TBXAS1: variants seen among roughly 807,000 people sequenced by gnomAD.
TBXAS1 encodes thromboxane-A synthase.
In TBXAS1, 48 loss-of-function variants were observed where a neutral mutation model predicts 60.7. The observed-to-expected ratio is 0.79, with a 90% CI of 0.63 to 1.01. The LOEUF (loss-of-function observed/expected upper bound fraction) is 1.01. Ranked by LOEUF, TBXAS1 falls within the 50% of genes least tolerant of loss-of-function variation. TBXAS1 has a pLI of 0.00. For synonymous variants in TBXAS1, 287 were observed against 269.7 expected (o/e 1.06, Z -0.63); for missense variants, 685 against 686.3 (o/e 1.00, Z 0.02).
rs552651654 is a variant in TBXAS1 at position 139,841,916 on chromosome 7, G to A, written c.89+12437G>A. Among the ~76,000 whole-genome samples the A allele has an allele frequency of 5.9e-5, 9 of 152,234 alleles. No individual in the cohort carries two copies. In the East Asian group the frequency reaches 1.2e-3, roughly 20 times the overall value. On this transcript the variant is annotated intron_variant, in intron 1 of 12. Coordinates refer to ENST00000448866, the MANE Select transcript of TBXAS1 (RefSeq NM_001061.7). ...GGTGCTTAGATGTGGTCCTTTGAAA[G>A]CCCTCAACGCAACACATCTTTGTGG...
chr7:139,997,040 T>A (rs1004935578), intron 9 of TBXAS1, among the ~76,000 whole-genome samples: 1 of 152,220 alleles, frequency 6.6e-6, no homozygotes, highest in Non-Finnish European at 1.5e-5. Context: ...CAGTATGTTA[T>A]CTTGACTCAT....
intron 9 of TBXAS1, among the ~76,000 whole-genome samples, chr7:139,984,079 C>T (rs953443031): frequency 3.3e-5 from 5 of 152,172 alleles, no homozygotes; most frequent in East Asian, 1.9e-4. Flanking sequence ...AGGGTATGGA[C>T]GTTGGGCCCA....
At chr7:139,859,998 G>A (rs776319579) in intron 1 of TBXAS1, among the ~76,000 whole-genome samples, 1 of 152,088 alleles carries the variant, frequency 6.6e-6, no homozygotes, top group Non-Finnish European at 1.5e-5. Context: ...AATTAGCTGA[G>A]CACAATAGTG....
chr7:139,971,132 G>T (rs1054199632), intron 9 of TBXAS1, among the ~76,000 whole-genome samples: 5 of 152,150 alleles, frequency 3.3e-5, no homozygotes, highest in Non-Finnish European at 1.5e-5. Flanking sequence ...CCCACCTCCT[G>T]TCCTTCTTTC....
rs578126530 is a variant in TBXAS1, at chr7:140,012,728, G to A, written c.1227-2995G>A. Among the ~76,000 whole-genome samples the A allele has an allele frequency of 4.1e-3, 627 of 152,232 alleles. 3 individuals are homozygous for A. The highest frequency in any genetic ancestry group is 0.013 in the African/African-American group (547 of 41,518). On this transcript the variant is annotated intron_variant, in intron 10 of 12. Transcript: ENST00000448866. ...CACACCTCTGCCTCCCAAAGTGCTGGGATTACAGGCATGAGCCACCACACA... is the reference window on the plus strand; with the variant it reads ...CACACCTCTGCCTCCCAAAGTGCTGAGATTACAGGCATGAGCCACCACACA...
At chr7:140,006,690 C>T (rs555335801) in intron 9 of TBXAS1, among the ~76,000 whole-genome samples, 1 of 152,294 alleles carries the variant, frequency 6.6e-6, no homozygotes, top group South Asian at 2.1e-4. Context: ...ATGTGACAGG[C>T]TCTTTGAGCC....
intron 9 of TBXAS1, among the ~76,000 whole-genome samples, chr7:139,965,624 G>A (rs1258009919): frequency 6.6e-6 from 1 of 151,970 alleles, no homozygotes; most frequent in Admixed American, 6.6e-5. Context: ...TCAAGGGCTC[G>A]GATCCCTCTT....
upstream of TBXAS1, chr7:139,829,037 T>C (rs1255574265): frequency 5.2e-6 from 2 of 386,822 alleles, no homozygotes; most frequent in Non-Finnish European, 9.9e-6. Context: ...TTTGAAGACT[T>C]CCTCTCAGAG....
At chr7:139,978,880 A>G (rs1811760871) in intron 9 of TBXAS1, among the ~76,000 whole-genome samples, 1 of 152,064 alleles carries the variant, frequency 6.6e-6, no homozygotes, top group Non-Finnish European at 1.5e-5. Flanking sequence ...GCCTGAGGCC[A>G]GGAGTTGGAG....
chr7:139,811,209 T>C (rs900666279), intron 4 of TBXAS1, among the ~76,000 whole-genome samples: 2 of 152,226 alleles, frequency 1.3e-5, no homozygotes, highest in Admixed American at 6.5e-5. Flanking sequence ...CTATGATGGG[T>C]ACAAATCTAT....
At chr7:140,006,972 G>C in intron 9 of TBXAS1, 119 bp from the exon 10 acceptor site, 1 of 975,194 alleles carries the variant, frequency 1.0e-6, no homozygotes, top group East Asian at 2.4e-5. Context: ...CCATTTTGTG[G>C]GGTTTCTGTT....
At chr7:139,986,734 TATATACATAC>T (rs1434378948) in intron 9 of TBXAS1, among the ~76,000 whole-genome samples, 707 of 41,082 alleles carry the variant, frequency 0.017, 20 homozygotes, top group South Asian at 0.029. Context: ...TATATATATA[TATATACATAC>T]ATATATATAT....
intron 3 of TBXAS1, among the ~76,000 whole-genome samples, chr7:139,887,905 T>C (rs1176595393): frequency 1.3e-5 from 2 of 152,234 alleles, no homozygotes; most frequent in Non-Finnish European, 2.9e-5. Context: ...ATAGCAATGC[T>C]TTGTTGTCCC....
chr7:139,946,360 A>G (rs1401312236), intron 5 of TBXAS1, among the ~76,000 whole-genome samples: 1 of 152,194 alleles, frequency 6.6e-6, no homozygotes, highest in East Asian at 1.9e-4. Flanking sequence ...AAAAGAGGCC[A>G]GGAAGCTCTT....
At chr7:139,815,966 C>G (rs898297673) in intron 4 of TBXAS1, among the ~76,000 whole-genome samples, 1 of 152,184 alleles carries the variant, frequency 6.6e-6, no homozygotes, top group African/African-American at 2.4e-5. Context: ...CCACCCAAAT[C>G]TCATCTCGAA....
intron 9 of TBXAS1, among the ~76,000 whole-genome samples, chr7:139,990,907 C>G (rs764231310): frequency 3.3e-5 from 5 of 152,302 alleles, no homozygotes; most frequent in Admixed American, 6.5e-5. Flanking sequence ...GGCTAACCCC[C>G]TTGGAGAAGC....
At chr7:139,940,187 A>G (rs934232485) in intron 5 of TBXAS1, among the ~76,000 whole-genome samples, 3 of 152,200 alleles carry the variant, frequency 2.0e-5, no homozygotes, top group Non-Finnish European at 2.9e-5. Context: ...TTGAGGCTCT[A>G]AGCCATGGTG....
intron 8 of TBXAS1, among the ~76,000 whole-genome samples, chr7:139,958,521 T>G (rs541767135): frequency 3.3e-4 from 50 of 152,334 alleles, no homozygotes; most frequent in Admixed American, 2.5e-3. Flanking sequence ...AAAACAGGGC[T>G]GAAATGGCCT....
At chr7:140,015,887 C>G (rs1178535469) in intron 11 of TBXAS1, 27 bp downstream of exon 11, 2 of 1,613,140 alleles carry the variant, frequency 1.2e-6, no homozygotes, top group East Asian at 2.2e-5. Flanking sequence ...TTAAAAAGCT[C>G]TGAAGGGATG....
Sources: gnomAD v4.1 joint callset for allele counts (sites outside exome capture counted in the v4.1 genomes callset) on GRCh38, gnomAD v4.1.1 for gene constraint, MANE v1.5 for transcripts, NCBI Gene and HGNC (gene_info 2026-07-23, HGNC 2026-07-21) for gene names.